SLC25A21: variants seen among roughly 807,000 people sequenced by gnomAD.
SLC25A21 encodes mitochondrial 2-oxodicarboxylate carrier.
A neutral mutation model predicts 43.8 loss-of-function variants in SLC25A21; 47 were observed. The observed-to-expected ratio is 1.07, with a 90% CI of 0.85 to 1.37. SLC25A21 has a LOEUF of 1.37. Among genes scored for constraint, SLC25A21 ranks in the 40% most tolerant of loss-of-function variants. The pLI is 0.00. For missense variants in SLC25A21, 352 were observed against 350.2 expected, an observed-to-expected ratio of 1.00 and a Z score of -0.04; for synonymous variants, 131 against 121.3, an observed-to-expected ratio of 1.08 and a Z score of -0.52.
At chr14:36,902,804 T>C (rs189297630) in intron 1 of SLC25A21, among the ~76,000 whole-genome samples, 5 of 152,034 alleles carry the variant, frequency 3.3e-5, no homozygotes, top group African/African-American at 7.2e-5. Context: ...CCAGACTAGC[T>C]TGGGCATCTC....
rs959635833 is a variant in SLC25A21, at chr14:36,924,916, A to G, written c.71-49912T>C. ...AGGGACTTGAGCATCTGCAGACTTT[A>G]GTATCCATGTGGTGATCCTGGAACC... On this transcript the variant is annotated intron_variant, in intron 1 of 9. Transcript: ENST00000331299. 2.0e-5 allele frequency among the ~76,000 whole-genome samples: 3 copies of G among 152,266 alleles called. No homozygotes were observed. In the South Asian group the frequency reaches 6.2e-4, roughly 32 times the overall value.
chr14:36,928,788 T>A (rs1892204022), intron 1 of SLC25A21, among the ~76,000 whole-genome samples: 1 of 152,140 alleles, frequency 6.6e-6, no homozygotes, highest in Non-Finnish European at 1.5e-5. Flanking sequence ...GTACCCCATT[T>A]TCCTGGCTAA....
At chr14:37,006,627 G>A (rs1041836793) in intron 1 of SLC25A21, among the ~76,000 whole-genome samples, 54 of 151,476 alleles carry the variant, frequency 3.6e-4, no homozygotes, top group African/African-American at 1.1e-3. Flanking sequence ...ACATTTTTCT[G>A]AAATGCTACT....
chr14:37,009,329 T>C (rs1461883742), intron 1 of SLC25A21, among the ~76,000 whole-genome samples: 1 of 151,956 alleles, frequency 6.6e-6, no homozygotes, highest in Non-Finnish European at 1.5e-5. Context: ...CTACTAAAAA[T>C]ACAAAAATTA....
At chr14:37,137,616 G>C (rs1408500665) in intron 1 of SLC25A21, among the ~76,000 whole-genome samples, 1 of 152,162 alleles carries the variant, frequency 6.6e-6, no homozygotes, top group Non-Finnish European at 1.5e-5. Flanking sequence ...CCAGCTGCCT[G>C]ACTTTTATAC....
intron 1 of SLC25A21, among the ~76,000 whole-genome samples, chr14:37,161,962 CAAAAAA>C (rs36029964): frequency 2.4e-4 from 21 of 86,298 alleles, no homozygotes; most frequent in African/African-American, 9.4e-4. Flanking sequence ...GACTCCGTCT[CAAAAAA>C]AAAAAAAAAA....
intron 2 of SLC25A21, among the ~76,000 whole-genome samples, chr14:36,824,158 A>C (rs1039600425): frequency 2.5e-4 from 38 of 152,270 alleles, no homozygotes; most frequent in African/African-American, 8.9e-4. Flanking sequence ...TAGCTTATTG[A>C]GCACTGATAT....
chr14:36,813,396 G>A lies in SLC25A21; in HGVS notation c.203+522C>T, dbSNP rs77503329. 8.8e-3 allele frequency among the ~76,000 whole-genome samples: 1,328 copies of A among 150,458 alleles called. 7 individuals carry two copies. The highest frequency in any genetic ancestry group is 0.068 in the Middle Eastern group (20 of 292). ...TTTTTTTCTTAAAGACAGTCTTGCT[G>A]TCACCCAGGCCGGAGTGCAGTGGCG... On this transcript the variant is annotated intron_variant, in intron 3 of 9. Transcript: ENST00000331299.
At chr14:37,103,154 ATAT>A (rs1405585534) in intron 1 of SLC25A21, among the ~76,000 whole-genome samples, 1 of 152,230 alleles carries the variant, frequency 6.6e-6, no homozygotes, top group Non-Finnish European at 1.5e-5. Flanking sequence ...GCTATGGGAA[ATAT>A]TATACTGCAA....
intron 1 of SLC25A21, among the ~76,000 whole-genome samples, chr14:36,890,475 T>C (rs1891044642): frequency 6.6e-6 from 1 of 152,044 alleles, no homozygotes; most frequent in South Asian, 2.1e-4. Flanking sequence ...GAGTAGAGGC[T>C]TGTTGGTCCT....
intron 1 of SLC25A21, among the ~76,000 whole-genome samples, chr14:36,979,215 T>G (rs1814429082): frequency 1.3e-5 from 2 of 152,184 alleles, no homozygotes; most frequent in African/African-American, 4.8e-5. Flanking sequence ...AAATGGGGTC[T>G]TTGCCTTGAT....
chr14:36,859,945 G>T (rs941648466), intron 2 of SLC25A21, among the ~76,000 whole-genome samples: 1 of 152,004 alleles, frequency 6.6e-6, no homozygotes, highest in African/African-American at 2.4e-5. Context: ...TGTTTATTGA[G>T]CACCTACTTT....
At chr14:37,172,213 C>A (rs1964144169) in intron 1 of SLC25A21, 68 bp downstream of exon 1, 2 of 1,471,928 alleles carry the variant, frequency 1.4e-6, no homozygotes, top group South Asian at 1.3e-5. Flanking sequence ...CCTGTCTGGG[C>A]AACGGTTTCA....
At chr14:36,998,022 A>G (rs1344019434) in intron 1 of SLC25A21, among the ~76,000 whole-genome samples, 1 of 152,204 alleles carries the variant, frequency 6.6e-6, no homozygotes, top group Non-Finnish European at 1.5e-5. Context: ...CAATAATAGA[A>G]TTCATTTGTC....
At chr14:36,879,618 G>T (rs1477847656) in intron 1 of SLC25A21, among the ~76,000 whole-genome samples, 1 of 152,036 alleles carries the variant, frequency 6.6e-6, no homozygotes, top group African/African-American at 2.4e-5. Flanking sequence ...TGGATGCCCT[G>T]GCCCTTGAAC....
chr14:36,735,310 A>C (rs1254602622), intron 3 of SLC25A21, among the ~76,000 whole-genome samples: 1 of 152,212 alleles, frequency 6.6e-6, no homozygotes, highest in Non-Finnish European at 1.5e-5. Flanking sequence ...ATAACAAGTC[A>C]CCATTTATTT....
intron 1 of SLC25A21, among the ~76,000 whole-genome samples, chr14:37,016,226 G>A (rs985457306): frequency 5.9e-5 from 9 of 152,130 alleles, no homozygotes; most frequent in Non-Finnish European, 1.2e-4. Flanking sequence ...TGTATAAAGT[G>A]TAAGGAAGGG....
intron 1 of SLC25A21, among the ~76,000 whole-genome samples, chr14:36,878,339 C>A (rs1890607512): frequency 6.6e-6 from 1 of 152,078 alleles, no homozygotes; most frequent in South Asian, 2.1e-4. Context: ...TTAGTCAAAA[C>A]AAGTAATTTG....
At chr14:36,845,543 A>T (rs2138506201) in intron 2 of SLC25A21, among the ~76,000 whole-genome samples, 1 of 152,374 alleles carries the variant, frequency 6.6e-6, no homozygotes, top group South Asian at 2.1e-4. Flanking sequence ...AAATGTGCCA[A>T]GTATTGCATG....
Sources: gnomAD v4.1 joint callset for allele counts (sites outside exome capture counted in the v4.1 genomes callset) on GRCh38, gnomAD v4.1.1 for gene constraint, MANE v1.5 for transcripts, NCBI Gene and HGNC (gene_info 2026-07-23, HGNC 2026-07-21) for gene names.